The following IFI16 variants were observed in gnomAD, a reference collection of about 807,000 sequenced individuals.
IFI16 encodes interferon gamma inducible protein 16.
IFI16 carries 49 observed loss-of-function variants against 68.4 expected under a neutral mutation model. The observed-to-expected ratio is 0.72, with a 90% confidence interval of 0.57 to 0.91. IFI16 has a LOEUF of 0.91. Among genes scored for constraint, IFI16 ranks in the 40% least tolerant of loss-of-function variants. The pLI, the probability that IFI16 is intolerant of heterozygous loss-of-function variation, is 0.00. For synonymous variants in IFI16, 307 were observed against 315.0 expected (o/e 0.97, Z 0.27); for missense variants, 878 against 942.9 (o/e 0.93, Z 0.90).
At chr1:159,052,228 T>C (rs758708317) in intron 10 of IFI16, 130 bp downstream of exon 10, 3 of 652,648 alleles carry the variant, frequency 4.6e-6, no homozygotes, top group Non-Finnish European at 7.9e-6. Flanking sequence ...CCCCCAGCAC[T>C]AGAGATAATT....
chr1:159,003,853 G>C (rs1302357791), upstream of IFI16, among the ~76,000 whole-genome samples: 1 of 151,936 alleles, frequency 6.6e-6, no homozygotes, highest in Non-Finnish European at 1.5e-5. Context: ...GTAGAGACGG[G>C]GTTTCACTGT....
intron 6 of IFI16, among the ~76,000 whole-genome samples, chr1:159,025,635 A>G (rs1393339465): frequency 6.6e-6 from 1 of 152,116 alleles, no homozygotes; most frequent in East Asian, 1.9e-4. Flanking sequence ...TTGTCTGTTT[A>G]CTGATTATTT....
At chr1:159,035,715 T>C (rs1654286055) in intron 7 of IFI16, among the ~76,000 whole-genome samples, 1 of 151,038 alleles carries the variant, frequency 6.6e-6, no homozygotes, top group Non-Finnish European at 1.5e-5. Context: ...ACGCTCTATA[T>C]TCATTGAGAT....
chr1:159,041,873 G>A (rs1654668598), intron 7 of IFI16, among the ~76,000 whole-genome samples: 1 of 152,154 alleles, frequency 6.6e-6, no homozygotes, highest in African/African-American at 2.4e-5. Flanking sequence ...TAATAGTTCA[G>A]ACCCATTTTT....
intron 6 of IFI16, among the ~76,000 whole-genome samples, chr1:159,022,037 T>C (rs935023304): frequency 1.3e-4 from 18 of 133,726 alleles, no homozygotes; most frequent in South Asian, 2.5e-4. Flanking sequence ...TATCTCGGCT[T>C]ACTGCAAGCT....
intron 8 of IFI16, among the ~76,000 whole-genome samples, chr1:159,047,106 C>A (rs1297532186): frequency 6.6e-6 from 1 of 150,446 alleles, no homozygotes; most frequent in African/African-American, 2.5e-5. Flanking sequence ...CCCACGGCAA[C>A]TTGAGGGATA....
At chr1:159,035,039 T>A (rs1179322027) in intron 7 of IFI16, among the ~76,000 whole-genome samples, 1 of 152,206 alleles carries the variant, frequency 6.6e-6, no homozygotes, top group Non-Finnish European at 1.5e-5. Flanking sequence ...TAAATCATTA[T>A]TTTTTACAGT....
chr1:159,049,611 C>T lies in IFI16; in HGVS notation c.1665+12C>T. On this transcript the variant is annotated intron_variant, in intron 9 of 11. Transcript: ENST00000295809. ...GTTTCTTAACCACGGTACAAGTTCCCTCTTCCCAATACATTCCCCTCGCTA... is the reference window on the plus strand; with the variant it reads ...GTTTCTTAACCACGGTACAAGTTCCTTCTTCCCAATACATTCCCCTCGCTA... 3.1e-6 allele frequency: 5 copies of T among 1,611,812 alleles called. No individual in the cohort carries two copies. Among genetic ancestry groups the T allele is most frequent in the Non-Finnish European group, 4.2e-6 (5 of 1,179,190 alleles).
upstream of IFI16, among the ~76,000 whole-genome samples, chr1:159,002,586 T>C (rs976923032): frequency 6.6e-6 from 1 of 152,224 alleles, no homozygotes; most frequent in Non-Finnish European, 1.5e-5. Flanking sequence ...CTTCATAGAA[T>C]TTATCTGCTT....
intron 6 of IFI16, among the ~76,000 whole-genome samples, chr1:159,030,851 G>T (rs77791003): frequency 0.015 from 1,960 of 129,836 alleles, 35 homozygotes; most frequent in South Asian, 0.048. Flanking sequence ...ACTTGAAATA[G>T]GATTTGAGTT....
chr1:159,023,373 C>T (rs1347778143), intron 6 of IFI16, among the ~76,000 whole-genome samples: 1 of 152,092 alleles, frequency 6.6e-6, no homozygotes, highest in East Asian at 1.9e-4. Context: ...AATTGCTTAG[C>T]TTTCTCTTTG....
chr1:159,013,970 TAATTAGAC>T (rs1652754848), intron 1 of IFI16, among the ~76,000 whole-genome samples: 1 of 150,284 alleles, frequency 6.7e-6, no homozygotes, highest in Non-Finnish European at 1.5e-5. Context: ...CGAAAAGAAA[TAATTAGAC>T]AAATCAAGTC....
At chr1:159,036,748 A>G (rs946067587) in intron 7 of IFI16, among the ~76,000 whole-genome samples, 6 of 152,140 alleles carry the variant, frequency 3.9e-5, no homozygotes, top group Admixed American at 6.5e-5. Flanking sequence ...TCTGCACCCA[A>G]TAATCAGATG....
At chr1:159,015,724 T>A (rs1193121853) in intron 2 of IFI16, 148 bp from the exon 3 acceptor site, 1 of 619,798 alleles carries the variant, frequency 1.6e-6, no homozygotes, top group Non-Finnish European at 2.9e-6. Flanking sequence ...CAGGCTGGGC[T>A]AATGCAGTAG....
intron 9 of IFI16, among the ~76,000 whole-genome samples, chr1:159,050,133 A>C (rs1208461167): frequency 6.6e-6 from 1 of 152,202 alleles, no homozygotes; most frequent in South Asian, 2.1e-4. Context: ...AATCACATTC[A>C]CATATTTTTC....
upstream of IFI16, among the ~76,000 whole-genome samples, chr1:159,006,437 ATGT>A (rs1278555575): frequency 6.6e-6 from 1 of 152,126 alleles, no homozygotes; most frequent in African/African-American, 2.4e-5. Flanking sequence ...TCAAGGTTTT[ATGT>A]TGTTATCTTT....
intron 6 of IFI16, among the ~76,000 whole-genome samples, chr1:159,032,290 A>G (rs1461242089): frequency 6.6e-6 from 1 of 152,202 alleles, no homozygotes; most frequent in Admixed American, 6.5e-5. Context: ...CTCCAATGTA[A>G]AAACATCAGT....
chr1:159,005,662 G>T (rs184420143), upstream of IFI16, among the ~76,000 whole-genome samples: 3 of 152,326 alleles, frequency 2.0e-5, no homozygotes, highest in Admixed American at 2.0e-4. Flanking sequence ...GAGAAGCCTT[G>T]AGGTTGGAGG....
At position 159,053,514 on chromosome 1, in the gene IFI16, T is replaced by A; in HGVS notation, c.2086-19T>A. On this transcript the variant is annotated intron_variant, in intron 10 of 11. Coordinates refer to ENST00000295809, the MANE Select transcript of IFI16 (RefSeq NM_001376587.1). ...TATTGATCCAGTTTCAGAAGATAAG[T>A]GTTAATTTTCTTTTGCAGAAAAATG... 1 of 1,495,878 alleles carries A rather than the reference T, an allele frequency of 6.7e-7. No homozygotes were observed. The highest frequency in any genetic ancestry group is 9.3e-7 in the Non-Finnish European group (1 of 1,077,070). The allele number at this position is 1,495,878 out of a possible 1,614,324, so 92.7% of individuals were successfully genotyped here. A position where few individuals can be genotyped will look rare whatever the true frequency, so the allele number is the denominator to read the frequency against.
Sources: allele counts gnomAD v4.1 joint callset (sites outside exome capture counted in the v4.1 genomes callset), GRCh38; gene constraint gnomAD v4.1.1; transcripts MANE v1.5; gene names NCBI Gene and HGNC (gene_info 2026-07-23, HGNC 2026-07-21).